COMMD1: variants seen among roughly 807,000 people sequenced by gnomAD.
COMMD1 encodes copper metabolism domain containing 1.
COMMD1 carries 10 observed loss-of-function variants against 17.2 expected under a neutral mutation model. The observed-to-expected ratio is 0.58, with a 90% CI of 0.36 to 0.99. The LOEUF is 0.99. Ranked by LOEUF, COMMD1 falls within the 50% of genes least tolerant of loss-of-function variation. The pLI, the probability that COMMD1 is intolerant of heterozygous loss-of-function variation, is 0.01. For synonymous variants in COMMD1, 97 were observed against 91.6 expected (o/e 1.06, Z -0.34); for missense variants, 270 against 231.8 (o/e 1.17, Z -1.07).
At chr2:62,088,835 G>A (rs1164066010) in intron 2 of COMMD1, among the ~76,000 whole-genome samples, 1 of 152,218 alleles carries the variant, frequency 6.6e-6, no homozygotes, top group East Asian at 1.9e-4. Flanking sequence ...CCAAGGTCGT[G>A]GGGGTACAGC....
upstream of COMMD1, among the ~76,000 whole-genome samples, chr2:61,904,290 C>T (rs1350558483): frequency 2.6e-5 from 4 of 152,310 alleles, no homozygotes; most frequent in South Asian, 2.1e-4. Context: ...GGATTAGAGG[C>T]GTGAGCCACC....
At chr2:61,968,437 C>G (rs146517145) in intron 1 of COMMD1, among the ~76,000 whole-genome samples, 431 of 152,220 alleles carry the variant, frequency 2.8e-3, no homozygotes, top group African/African-American at 9.6e-3. Context: ...TAAAACCATA[C>G]TATAATTAAT....
intron 2 of COMMD1, among the ~76,000 whole-genome samples, chr2:62,021,949 G>A (rs949959195): frequency 4.0e-5 from 6 of 151,822 alleles, no homozygotes; most frequent in Admixed American, 6.6e-5. Context: ...TCACTTTCTC[G>A]ATAATGCTCT....
In COMMD1 at chr2:61,927,883, G is replaced by A. The variant is rs1425358735; in HGVS notation, c.180+22025G>A. Among the ~76,000 whole-genome samples the A allele has an allele frequency of 2.6e-5, 4 of 152,026 alleles. No homozygotes were observed. The East Asian group carries it at 7.7e-4, about 29-fold the overall frequency. On this transcript the variant is annotated intron_variant, in intron 1 of 2. Coordinates refer to ENST00000311832, the MANE Select transcript of COMMD1 (RefSeq NM_152516.4). Reference sequence around the variant, plus strand: ...GGGTTCAAGTGATTTACCTGTCTCCGCCTCTCGAGTAGCTGGGATTACAGG... The same window carrying A: ...GGGTTCAAGTGATTTACCTGTCTCCACCTCTCGAGTAGCTGGGATTACAGG...
chr2:62,038,796 G>T (rs941115444), intron 2 of COMMD1, among the ~76,000 whole-genome samples: 3 of 152,176 alleles, frequency 2.0e-5, no homozygotes, highest in Admixed American at 1.3e-4. Context: ...TGATTTGCCT[G>T]CCTTGGCTTC....
chr2:62,053,469 A>G (rs1446513609), intron 2 of COMMD1, among the ~76,000 whole-genome samples: 1 of 152,142 alleles, frequency 6.6e-6, no homozygotes, highest in East Asian at 1.9e-4. Flanking sequence ...ACTGATCTAC[A>G]TATGTTTTTG....
chr2:61,963,383 G>A (rs1671419179), intron 1 of COMMD1, among the ~76,000 whole-genome samples: 6 of 151,970 alleles, frequency 3.9e-5, no homozygotes. Flanking sequence ...TTGAGATGGA[G>A]TCTCACTCTG....
At chr2:62,081,224 A>G (rs1448389151) in intron 2 of COMMD1, among the ~76,000 whole-genome samples, 6 of 151,518 alleles carry the variant, frequency 4.0e-5, no homozygotes, top group Non-Finnish European at 7.4e-5. Context: ...CCATCCCTGA[A>G]TGTTACCCTC....
intron 1 of COMMD1, among the ~76,000 whole-genome samples, chr2:61,991,081 T>TC (rs1672240727): frequency 6.6e-6 from 1 of 151,500 alleles, no homozygotes; most frequent in African/African-American, 2.4e-5. Context: ...GAGAGGAAGA[T>TC]CCTGTCTCAA....
exon 1 of COMMD1, chr2:61,888,810 A>G (rs1018222466): frequency 9.1e-6 from 4 of 441,116 alleles, no homozygotes; most frequent in Non-Finnish European, 1.6e-5. Flanking sequence ...TACGCGAGGC[A>G]GCAATGACAA....
chr2:61,985,041 C>CTTTTTTTTT (rs61613631), intron 1 of COMMD1, among the ~76,000 whole-genome samples: 1 of 134,206 alleles, frequency 7.5e-6, no homozygotes, highest in Non-Finnish European at 1.6e-5. Flanking sequence ...CTATGTGTGT[C>CTTTTTTTTT]TTTTTTTTTT....
At chr2:62,048,447 C>G (rs12468980) in intron 2 of COMMD1, among the ~76,000 whole-genome samples, 11,855 of 152,070 alleles carry the variant, frequency 0.078, 1,093 homozygotes, top group African/African-American at 0.22. Flanking sequence ...CTCGCCCTCC[C>G]AAAGTGCTGG....
At chr2:62,013,431 T>G (rs1669343473) in intron 2 of COMMD1, among the ~76,000 whole-genome samples, 1 of 152,234 alleles carries the variant, frequency 6.6e-6, no homozygotes, top group Non-Finnish European at 1.5e-5. Flanking sequence ...CATCTCTGTT[T>G]CTCATTTATG....
intron 1 of COMMD1, chr2:61,928,833 A>G (rs1386388601): frequency 1.3e-5 from 2 of 152,214 alleles, no homozygotes; most frequent in African/African-American, 4.8e-5. Flanking sequence ...CTCTTGAAGC[A>G]GGTCCCAAGA....
intron 2 of COMMD1, among the ~76,000 whole-genome samples, chr2:62,032,689 G>A (rs1054719506): frequency 2.0e-5 from 3 of 152,072 alleles, no homozygotes; most frequent in African/African-American, 7.2e-5. Context: ...TTTCCCCCTT[G>A]CTGCTCTTTT....
chr2:62,082,819 A>G (rs1458925571), intron 2 of COMMD1, among the ~76,000 whole-genome samples: 1 of 152,242 alleles, frequency 6.6e-6, no homozygotes, highest in Non-Finnish European at 1.5e-5. Flanking sequence ...TTTAAGCTTT[A>G]GCTTTTTAAA....
At chr2:61,897,406 T>TCTC (rs1308759259) in intron 1 of COMMD1, among the ~76,000 whole-genome samples, 1 of 152,186 alleles carries the variant, frequency 6.6e-6, no homozygotes, top group Non-Finnish European at 1.5e-5. Flanking sequence ...TAAGTTGTGT[T>TCTC]TTGTTACAGA....
intron 1 of COMMD1, among the ~76,000 whole-genome samples, chr2:61,974,818 T>C (rs914697306): frequency 1.3e-5 from 2 of 152,158 alleles, no homozygotes; most frequent in Admixed American, 6.5e-5. Context: ...TATTAATATC[T>C]TGCATTGATG....
intron 2 of COMMD1, among the ~76,000 whole-genome samples, chr2:62,035,868 A>G (rs1008646341): frequency 1.3e-5 from 2 of 151,968 alleles, no homozygotes; most frequent in African/African-American, 4.8e-5. Context: ...CCTGGGCAAC[A>G]TGCTAAAACC....
Sources: allele counts gnomAD v4.1 joint callset (sites outside exome capture counted in the v4.1 genomes callset), GRCh38; gene constraint gnomAD v4.1.1; transcripts MANE v1.5; gene names NCBI Gene and HGNC (gene_info 2026-07-23, HGNC 2026-07-21).